EPB41L4A: variants seen among roughly 807,000 people sequenced by gnomAD.
EPB41L4A encodes band 4.1-like protein 4A.
EPB41L4A carries 100 observed loss-of-function variants against 108.6 expected under a neutral mutation model. The ratio of observed to expected loss-of-function variants is 0.92; its 90% confidence interval spans 0.78 to 1.09. EPB41L4A has a LOEUF of 1.09. Among genes scored for constraint, EPB41L4A ranks in the 50% least tolerant of loss-of-function variants. The pLI, the probability that EPB41L4A is intolerant of heterozygous loss-of-function variation, is 0.00. For missense variants in EPB41L4A, 1,030 were observed against 842.7 expected (o/e 1.22, Z -2.75); for synonymous variants, 319 against 289.0 (o/e 1.10, Z -1.05).
chr5:112,375,938 G>T (rs909609441), intron 1 of EPB41L4A, among the ~76,000 whole-genome samples: 8 of 152,146 alleles, frequency 5.3e-5, no homozygotes, highest in Admixed American at 6.5e-5. Context: ...TGCCTCCAAG[G>T]GGTTAGGGTA....
At chr5:112,269,154 G>A (rs1752082078) in intron 4 of EPB41L4A, among the ~76,000 whole-genome samples, 1 of 151,610 alleles carries the variant, frequency 6.6e-6, no homozygotes, top group Admixed American at 6.6e-5. Context: ...CTAAAAACTG[G>A]TAACATCATT....
chr5:112,292,580 T>C (rs1055847794), intron 2 of EPB41L4A, among the ~76,000 whole-genome samples: 3 of 152,188 alleles, frequency 2.0e-5, no homozygotes, highest in African/African-American at 4.8e-5. Flanking sequence ...CCTAAAATGA[T>C]AGACAAACTA....
At chr5:112,161,700 C>G (rs1287894548), downstream of EPB41L4A, 1 of 489,242 alleles carries the variant, frequency 2.0e-6, no homozygotes, top group Admixed American at 2.0e-5. Flanking sequence ...AATTTTTGTT[C>G]AGGTGGAAGA....
At chr5:112,248,350 C>T (rs1359511790) in intron 9 of EPB41L4A, among the ~76,000 whole-genome samples, 1 of 152,186 alleles carries the variant, frequency 6.6e-6, no homozygotes, top group African/African-American at 2.4e-5. Context: ...AGATGAACAG[C>T]TGCTTAATTA....
intron 18 of EPB41L4A, among the ~76,000 whole-genome samples, chr5:112,174,990 A>T (rs1760787234): frequency 6.6e-6 from 1 of 152,174 alleles, no homozygotes; most frequent in Non-Finnish European, 1.5e-5. Flanking sequence ...GAAGCCACTG[A>T]GATGAACAAC....
At chr5:112,384,945 T>C (rs1760410006) in intron 1 of EPB41L4A, among the ~76,000 whole-genome samples, 1 of 152,194 alleles carries the variant, frequency 6.6e-6, no homozygotes, top group African/African-American at 2.4e-5. Context: ...TTTGCTAGGG[T>C]TGCCAGTCCT....
intron 1 of EPB41L4A, among the ~76,000 whole-genome samples, chr5:112,322,332 TAG>T (rs1200600635): frequency 6.6e-6 from 1 of 152,204 alleles, no homozygotes; most frequent in African/African-American, 2.4e-5. Context: ...AGACTAGCTC[TAG>T]AACCTGTGCT....
chr5:112,371,101 G>A (rs10079307), intron 1 of EPB41L4A, among the ~76,000 whole-genome samples: 3,164 of 152,232 alleles, frequency 0.021, 113 homozygotes, highest in African/African-American at 0.065. Flanking sequence ...TATAATTTCT[G>A]TAATTTAATT....
At chr5:112,384,315 G>C (rs1470883409) in intron 1 of EPB41L4A, among the ~76,000 whole-genome samples, 3 of 152,024 alleles carry the variant, frequency 2.0e-5, no homozygotes, top group Non-Finnish European at 4.4e-5. Context: ...TGAAAAGGAA[G>C]GGATTTTAAC....
intron 1 of EPB41L4A, among the ~76,000 whole-genome samples, chr5:112,366,148 A>C (rs896532863): frequency 1.3e-4 from 20 of 152,208 alleles, no homozygotes; most frequent in African/African-American, 4.3e-4. Flanking sequence ...CCCAGGCATC[A>C]CTCAGCAGTC....
chr5:112,164,760 G>GT lies in EPB41L4A; in HGVS notation c.*229dup. ...TGAGACAGGAGAATCGCTTAACCCA[G>GT]TAAGTGGAGGCTGCGGTGAGCTGAC... On this transcript the variant is annotated 3_prime_UTR_variant, in exon 23 of 23. Transcript: ENST00000261486. 1 of 320,870 alleles carries GT rather than the reference G, an allele frequency of 3.1e-6. No individual in the cohort carries two copies. The highest frequency in any genetic ancestry group is 5.6e-6 in the Non-Finnish European group (1 of 178,226). 19.9% of individuals were successfully genotyped at this position (320,870 alleles called of 1,614,324 possible). A position where few individuals can be genotyped will look rare whatever the true frequency, so the allele number is the denominator to read the frequency against.
chr5:112,266,146 A>T (rs1751837645), intron 5 of EPB41L4A, 87 bp downstream of exon 5: 1 of 922,986 alleles, frequency 1.1e-6, no homozygotes, highest in Non-Finnish European at 1.6e-6. Flanking sequence ...CATGGATAAG[A>T]AGAGTTTTAG....
intron 1 of EPB41L4A, among the ~76,000 whole-genome samples, chr5:112,402,489 G>A (rs1262321489): frequency 6.6e-6 from 1 of 152,132 alleles, no homozygotes; most frequent in African/African-American, 2.4e-5. Context: ...AGTTACTGCA[G>A]CAAGTAAAAA....
chr5:112,354,724 T>A (rs1240746291), intron 1 of EPB41L4A, among the ~76,000 whole-genome samples: 1 of 152,218 alleles, frequency 6.6e-6, no homozygotes, highest in East Asian at 1.9e-4. Flanking sequence ...GATTCCACAG[T>A]AATAGTCATT....
At chr5:112,365,814 G>A (rs961114383) in intron 1 of EPB41L4A, among the ~76,000 whole-genome samples, 3 of 152,130 alleles carry the variant, frequency 2.0e-5, no homozygotes, top group Admixed American at 6.5e-5. Flanking sequence ...GAGAAGTACT[G>A]GATTGAGAGA....
chr5:112,165,198 C>T, intron 22 of EPB41L4A, 80 bp from the exon 23 acceptor site: 2 of 1,097,744 alleles, frequency 1.8e-6, no homozygotes, highest in South Asian at 3.1e-5. Context: ...AGAAACCAAG[C>T]TGCTCTTAAA....
chr5:112,254,403 C>G (rs536849794), intron 9 of EPB41L4A, among the ~76,000 whole-genome samples: 18 of 151,736 alleles, frequency 1.2e-4, no homozygotes, highest in Non-Finnish European at 2.5e-4. Flanking sequence ...CCTACTCTGT[C>G]TGCCTCTGTG....
intron 1 of EPB41L4A, among the ~76,000 whole-genome samples, chr5:112,397,917 T>C (rs1761468876): frequency 6.6e-6 from 1 of 152,208 alleles, no homozygotes; most frequent in Non-Finnish European, 1.5e-5. Flanking sequence ...TATTCTGTAG[T>C]GCAGCCTGCC....
At chr5:112,288,859 G>A (rs1580615105) in intron 2 of EPB41L4A, among the ~76,000 whole-genome samples, 5 of 150,640 alleles carry the variant, frequency 3.3e-5, no homozygotes, top group East Asian at 3.9e-4. Flanking sequence ...ATGGAGTCTC[G>A]CTCTGTCACC....
Sources: gnomAD v4.1 joint callset for allele counts (sites outside exome capture counted in the v4.1 genomes callset) on GRCh38, gnomAD v4.1.1 for gene constraint, MANE v1.5 for transcripts, NCBI Gene and HGNC (gene_info 2026-07-23, HGNC 2026-07-21) for gene names.